Variants in AGMO observed in about 807,000 individuals in gnomAD.
AGMO encodes alkylglycerol monooxygenase.
In AGMO, 75 loss-of-function variants were observed where a neutral mutation model predicts 60.2. The observed-to-expected ratio is 1.25, with a 90% CI of 1.03 to 1.51. The LOEUF is 1.51. Among genes scored for constraint, AGMO ranks in the 40% most tolerant of loss-of-function variants. The pLI, the probability that AGMO is intolerant of heterozygous loss-of-function variation, is 0.00. For missense variants in AGMO, 763 were observed against 525.5 expected, an observed-to-expected ratio of 1.45 and a Z score of -4.42; for synonymous variants, 261 against 177.1, an observed-to-expected ratio of 1.47 and a Z score of -3.76.
At chr7:15,158,139 A>G in the AGMO span, among the ~76,000 whole-genome samples, 1 of 152,224 alleles carries the variant, frequency 6.6e-6, no homozygotes, top group African/African-American at 2.4e-5. Flanking sequence ...AAAAGAAATT[A>G]GTGCATTTTT....
chr7:15,472,712 G>C (rs1782480583), intron 3 of AGMO, among the ~76,000 whole-genome samples: 1 of 151,848 alleles, frequency 6.6e-6, no homozygotes, highest in Admixed American at 6.6e-5. Flanking sequence ...ATATTTAAAG[G>C]AACATTGTTG....
At chr7:15,187,211 A>C in the AGMO span, among the ~76,000 whole-genome samples, 1 of 152,238 alleles carries the variant, frequency 6.6e-6, no homozygotes. Flanking sequence ...TCAATGCATC[A>C]GTTACTTGGA....
At chr7:15,480,422 G>A (rs1782719458) in intron 3 of AGMO, among the ~76,000 whole-genome samples, 1 of 152,042 alleles carries the variant, frequency 6.6e-6, no homozygotes, top group African/African-American at 2.4e-5. Flanking sequence ...TAGTTGATGG[G>A]GTAAAGAAAA....
chr7:15,387,226 C>A (rs1044876307), intron 9 of AGMO, among the ~76,000 whole-genome samples, 180 bp downstream of exon 9: 4 of 152,220 alleles, frequency 2.6e-5, no homozygotes, highest in Non-Finnish European at 4.4e-5. Flanking sequence ...AGAAGGCACT[C>A]CTTTAATTGG....
chr7:15,193,206 G>C, the AGMO span, among the ~76,000 whole-genome samples: 41 of 151,340 alleles, frequency 2.7e-4, no homozygotes, highest in African/African-American at 9.7e-4. Context: ...AGGTACTGAA[G>C]TATCTAACAA....
At chr7:15,298,027 T>C (rs1045482876) in intron 12 of AGMO, among the ~76,000 whole-genome samples, 12 of 152,274 alleles carry the variant, frequency 7.9e-5, no homozygotes, top group Middle Eastern at 3.4e-3. Context: ...CAGTAACATA[T>C]CCCATTAAAG....
At chr7:15,118,876 ATTTTTTTTTTTTTTTTTTTTTTTTTTT>A in the AGMO span, among the ~76,000 whole-genome samples, 4 of 81,732 alleles carry the variant, frequency 4.9e-5, no homozygotes, top group African/African-American at 1.8e-4. Context: ...AGACGTCAGT[ATTTTTTTTTTTTTTTTTTTTTTTTTTT>A]TTTTTTTTTT....
intron 12 of AGMO, among the ~76,000 whole-genome samples, chr7:15,279,331 C>G (rs1205293740): frequency 1.3e-5 from 2 of 152,152 alleles, no homozygotes; most frequent in African/African-American, 4.8e-5. Flanking sequence ...AATTGCCTAT[C>G]TGATGAATTC....
At chr7:15,386,870 G>A (rs1213842452) in intron 9 of AGMO, among the ~76,000 whole-genome samples, 1 of 152,118 alleles carries the variant, frequency 6.6e-6, no homozygotes. Flanking sequence ...CTGTTTTAAA[G>A]ATCTTTTTTA....
At chr7:15,428,928 T>G (rs557302617) in intron 4 of AGMO, among the ~76,000 whole-genome samples, 1 of 152,198 alleles carries the variant, frequency 6.6e-6, no homozygotes, top group Admixed American at 6.6e-5. Flanking sequence ...CCAGCCTATA[T>G]ATTCAGCCTT....
the AGMO span, among the ~76,000 whole-genome samples, chr7:15,166,865 A>C: frequency 6.6e-6 from 1 of 152,164 alleles, no homozygotes; most frequent in African/African-American, 2.4e-5. Flanking sequence ...GAGATAGAGA[A>C]GTCTTTGGAT....
chr7:15,157,586 C>T, the AGMO span, among the ~76,000 whole-genome samples: 2 of 152,160 alleles, frequency 1.3e-5, no homozygotes, highest in African/African-American at 4.8e-5. Flanking sequence ...CCCCTGTAGA[C>T]ACAGAGGCAA....
chr7:15,493,254 C>T (rs566380810), intron 3 of AGMO, among the ~76,000 whole-genome samples: 12 of 148,728 alleles, frequency 8.1e-5, no homozygotes, highest in Non-Finnish European at 1.8e-4. Context: ...TGCGTTTTGT[C>T]CATATGTTTT....
chr7:15,359,877 T>C (rs1477346340), intron 12 of AGMO, among the ~76,000 whole-genome samples: 1 of 152,220 alleles, frequency 6.6e-6, no homozygotes, highest in Non-Finnish European at 1.5e-5. Context: ...AAAAATACTA[T>C]AAATTCATGT....
the AGMO span, among the ~76,000 whole-genome samples, chr7:15,143,711 AAC>A: frequency 6.6e-6 from 1 of 150,596 alleles, no homozygotes; most frequent in Non-Finnish European, 1.5e-5. Flanking sequence ...TTTTACTTGA[AAC>A]ACATGTAAAA....
At position 15,366,214 on chromosome 7, in the gene AGMO, C is replaced by T. The variant is rs755873183; in HGVS notation, c.1083G>A (p.Ser361=). 31 of 1,603,204 alleles carry T rather than the reference C, an allele frequency of 1.9e-5. No homozygotes were observed. The highest frequency in any genetic ancestry group is 3.3e-4 in the Middle Eastern group (2 of 6,076). Residue 361 remains serine, a synonymous_variant, in exon 11 of 13, where the codon TCG becomes TCA. Coordinates refer to ENST00000342526, the MANE Select transcript of AGMO (RefSeq NM_001004320.2). The part of the protein sequence containing the change: ...EETFADTAAL[S]QVTLLLRVCF... ...AAACCCTCAGAAGGAGAGTAACTTG[C>T]GACAGTGCCTGTCAAACAAACACGG...
chr7:15,489,342 T>C (rs1229352613), intron 3 of AGMO, among the ~76,000 whole-genome samples: 1 of 152,112 alleles, frequency 6.6e-6, no homozygotes, highest in Non-Finnish European at 1.5e-5. Context: ...AATAGAGGAA[T>C]GTAAAATTAA....
At chr7:15,433,028 G>A (rs777025594) in intron 3 of AGMO, among the ~76,000 whole-genome samples, 37 of 152,030 alleles carry the variant, frequency 2.4e-4, no homozygotes, top group Non-Finnish European at 4.1e-4. Flanking sequence ...ACCCACTGCT[G>A]AACATTTTAT....
chr7:15,385,015 T>C (rs1372118393), intron 10 of AGMO, among the ~76,000 whole-genome samples: 1 of 152,076 alleles, frequency 6.6e-6, no homozygotes, highest in Non-Finnish European at 1.5e-5. Context: ...GTTTCAGAAA[T>C]GTCAAACTAA....
Sources: gnomAD v4.1 joint callset for allele counts (sites outside exome capture counted in the v4.1 genomes callset) on GRCh38, gnomAD v4.1.1 for gene constraint, MANE v1.5 for transcripts, NCBI Gene and HGNC (gene_info 2026-07-23, HGNC 2026-07-21) for gene names.